Variants in UQCRC1 observed in about 807,000 individuals in gnomAD.
The protein encoded by UQCRC1 is ubiquinol-cytochrome c reductase core protein 1.
UQCRC1 carries 34 observed loss-of-function variants against 58.0 expected under a neutral mutation model. The ratio of observed to expected loss-of-function variants is 0.59; its 90% CI spans 0.45 to 0.78. The LOEUF is 0.78. Among genes scored for constraint, UQCRC1 ranks in the 30% least tolerant of loss-of-function variants. The pLI is 0.00. For missense variants in UQCRC1, 610 were observed against 646.0 expected, an observed-to-expected ratio of 0.94 and a Z score of 0.60; for synonymous variants, 276 against 248.8, an observed-to-expected ratio of 1.11 and a Z score of -1.03.
At position 48,601,008 on chromosome 3, in the gene UQCRC1, G is replaced by T. The variant is rs769861368; in HGVS notation, c.933C>A (p.Ile311=). The part of the protein sequence containing the change: ...NVALQVANAI[I]GHYDCTYGGG... ...CACCATAAGTGCAGTCATAGTGGCC[G>T]ATGATGGCATTGGCCACTTGCAAGG... The change falls in exon 8 of 13, where the codon ATC becomes ATA. Residue 311 remains isoleucine, a synonymous_variant. Coordinates refer to ENST00000203407, the MANE Select transcript of UQCRC1 (RefSeq NM_003365.3). 8 of 1,607,922 alleles carry T rather than the reference G, an allele frequency of 5.0e-6. No homozygotes were observed. The highest frequency in any genetic ancestry group is 6.8e-6 in the Non-Finnish European group (8 of 1,174,990).
intron 6 of UQCRC1, 67 bp from the exon 7 acceptor site, chr3:48,601,534 G>T: frequency 6.9e-7 from 1 of 1,444,468 alleles, no homozygotes; most frequent in Non-Finnish European, 9.6e-7. Flanking sequence ...GCGATTCACA[G>T]ACAGGCAGAG....
At chr3:48,605,413 GC>G (rs1268257119) in intron 3 of UQCRC1, among the ~76,000 whole-genome samples, 1 of 152,194 alleles carries the variant, frequency 6.6e-6, no homozygotes, top group African/African-American at 2.4e-5. Flanking sequence ...ACCAAGGGAT[GC>G]CTAGATATTC....
chr3:48,600,435 G>A (rs779267869), intron 10 of UQCRC1, 47 bp downstream of exon 10: 85 of 1,606,452 alleles, frequency 5.3e-5, no homozygotes, highest in Non-Finnish European at 6.1e-5. Context: ...TGGTGCTGTC[G>A]CTGGCAAGAT....
chr3:48,600,651 C>T, intron 9 of UQCRC1, 29 bp downstream of exon 9: 1 of 1,613,972 alleles, frequency 6.2e-7, no homozygotes, highest in South Asian at 1.1e-5. Flanking sequence ...AGCCGCCATC[C>T]CACCTAGGAA....
Position 48,599,709 on chromosome 3 carries a change from T to A in UQCRC1, c.1304A>T (p.Glu435Val), listed in dbSNP as rs773581710. The A allele has an allele frequency of 6.2e-7, 1 of 1,613,638 alleles. No homozygotes were observed. The highest frequency in any genetic ancestry group is 1.3e-5 in the African/African-American group (1 of 75,004). The part of the protein sequence containing the change: ...PLAEWESRIA[E>V]VDASVVREIC... ...CTCACGTACCACACTGGCATCCACCTCCTGCAGGGTGAGGCAGAGGGCATA... is the reference window on the plus strand; with the variant it reads ...CTCACGTACCACACTGGCATCCACCACCTGCAGGGTGAGGCAGAGGGCATA... The change falls in exon 12 of 13, where the codon GAG (glutamate) becomes GTG (valine). Residue 435 changes from glutamate to valine, a missense_variant and splice_region_variant. Transcript: ENST00000203407.
Position 48,600,704 on chromosome 3 carries a change from A to G in UQCRC1, c.1103T>C (p.Met368Thr). ...FVCDRMKIDD[M>T]MFVLQGQWMR... ...CCACTGCCCTTGCAGGACGAACATC[A>G]TGTCATCGATTTTCATTCGGTCACA... The change falls in exon 9 of 13, where the codon ATG becomes ACG. Residue 368 changes from methionine (M) to threonine (T), a missense_variant. Coordinates refer to ENST00000203407, the MANE Select transcript of UQCRC1 (RefSeq NM_003365.3). 2 of 1,614,146 alleles carry G rather than the reference A, an allele frequency of 1.2e-6. No individual in the cohort carries two copies. Among genetic ancestry groups the G allele is most frequent in the Non-Finnish European group, 1.7e-6 (2 of 1,180,032 alleles).
intron 9 of UQCRC1, 27 bp from the exon 10 acceptor site, chr3:48,600,594 A>G: frequency 1.2e-6 from 2 of 1,614,076 alleles, no homozygotes; most frequent in Non-Finnish European, 1.7e-6. Flanking sequence ...GGTGGTATTC[A>G]TTCTGAGCCA....
In UQCRC1 at chr3:48,601,114, C is replaced by T. The variant is rs774302076; in HGVS notation, c.827G>A (p.Arg276His). The T allele has an allele frequency of 2.8e-5, 45 of 1,598,360 alleles. No individual in the cohort carries two copies. The highest frequency in any genetic ancestry group is 2.1e-4 in the South Asian group (19 of 89,892). The change falls in exon 8 of 13, where the codon CGC becomes CAC. Residue 276 changes from arginine (R) to histidine (H), a missense_variant. Physicochemically the swap from Arg to His is conservative, Grantham distance 29. Transcript: ENST00000203407. ...AAAAGGTAGAGCATCATCACGGTGG[C>T]GGATCTGAAACAGTACATGACAAGG... is the stretch of plus-strand genomic sequence containing the variant. ...TPCRFTGSEI[R>H]HRDDALPFAH... is the part of the protein sequence containing the mutation.
Position 48,600,510 on chromosome 3 carries a change from G to T in UQCRC1, c.1185C>A (p.Leu395=). The change falls in exon 10 of 13, where the codon CTC becomes CTA. Residue 395 remains leucine (L), a synonymous_variant. Coordinates refer to ENST00000203407, the MANE Select transcript of UQCRC1 (RefSeq NM_003365.3). ...ESEVARGKNI[L]RNALVSHLDG... is the part of the protein sequence containing the mutation. ...CTAGATGAGATACCAGGGCATTTCT[G>T]AGGATGTTTTTGCCCCGGGCCACCT... 1 of 1,614,138 alleles carries T rather than the reference G, an allele frequency of 6.2e-7. No individual in the cohort carries two copies. The highest frequency in any genetic ancestry group is 8.5e-7 in the Non-Finnish European group (1 of 1,180,020).
At chr3:48,606,631 T>TA (rs1398745033) in intron 2 of UQCRC1, among the ~76,000 whole-genome samples, 1 of 151,396 alleles carries the variant, frequency 6.6e-6, no homozygotes, top group Non-Finnish European at 1.5e-5. Flanking sequence ...CCTGTAGTCC[T>TA]AGCTACTTGG....
intron 6 of UQCRC1, among the ~76,000 whole-genome samples, chr3:48,602,155 A>G (rs1000865571): frequency 2.7e-5 from 4 of 150,422 alleles, no homozygotes; most frequent in African/African-American, 9.8e-5. Context: ...GGTCCACGCC[A>G]TTCTCCTGCC....
chr3:48,600,912 G>A (rs2046358754), intron 8 of UQCRC1, 63 bp downstream of exon 8: 2 of 1,608,214 alleles, frequency 1.2e-6, no homozygotes, highest in African/African-American at 2.7e-5. Context: ...ACGCACAGGA[G>A]CACACAGCCC....
chr3:48,609,487 C>G, intron 1 of UQCRC1, 65 bp downstream of exon 1: 1 of 1,534,360 alleles, frequency 6.5e-7, no homozygotes, highest in Non-Finnish European at 8.7e-7. Flanking sequence ...CCACTGCTAA[C>G]AGCCCACACC....
chr3:48,599,149 G>C lies in UQCRC1; in HGVS notation c.1422C>G (p.Gly474=). ...QLPDYNRIRS[G]MFWLRF ...CCGCCTAGAAGCGCAGCCAGAACAT[G>C]CCGCTACGGATCCGGTTGTAGTCTG... is the stretch of plus-strand genomic sequence containing the variant. Residue 474 remains glycine (G), a synonymous_variant, in exon 13 of 13, where the codon GGC becomes GGG. Transcript: ENST00000203407. 6.2e-7 allele frequency: 1 copy of C among 1,612,162 alleles called. No homozygotes were observed. The highest frequency in any genetic ancestry group is 8.5e-7 in the Non-Finnish European group (1 of 1,178,860).
At chr3:48,599,229 T>C (rs754239649) in intron 12 of UQCRC1, 37 bp from the exon 13 acceptor site, 115 of 1,565,252 alleles carry the variant, frequency 7.3e-5, no homozygotes, top group Non-Finnish European at 9.7e-5. Flanking sequence ...GTGGGGTACC[T>C]GGCCTGCACA....
At chr3:48,600,417 G>C (rs1468687962) in intron 10 of UQCRC1, 65 bp downstream of exon 10, 5 of 1,588,748 alleles carry the variant, frequency 3.1e-6, no homozygotes, top group Non-Finnish European at 4.3e-6. Flanking sequence ...TAGGAGCAGT[G>C]GCCACCTTGG....
In UQCRC1 at chr3:48,604,635, T is replaced by A. The variant is rs758282430; in HGVS notation, c.427+16A>T. ...CTTCCCTGCCCTCTGTCCCCGCCTC[T>A]TCCTCCAGGTGTTACCTTTCGGCAG... On this transcript the variant is annotated intron_variant, in intron 4 of 12. Transcript: ENST00000203407. 1 of 1,614,104 alleles carries A rather than the reference T, an allele frequency of 6.2e-7. No individual in the cohort carries two copies. Among genetic ancestry groups the A allele is most frequent in the East Asian group, 2.2e-5 (1 of 44,882 alleles).
intron 3 of UQCRC1, among the ~76,000 whole-genome samples, chr3:48,605,421 A>T (rs2107846676): frequency 6.6e-6 from 1 of 152,308 alleles, no homozygotes; most frequent in South Asian, 2.1e-4. Flanking sequence ...ATGCCTAGAT[A>T]TTCCACCAGA....
Position 48,599,039 on chromosome 3 carries a change from A to T in UQCRC1, c.*89T>A. The stretch of plus-strand genomic sequence containing the variant: ...GATTTTATTGGTGGTCACCTGTGGC[A>T]CAGGTTAGAGGAGCCGAAGTGCTGT... On this transcript the variant is annotated 3_prime_UTR_variant, in exon 13 of 13. Transcript: ENST00000203407. 1 of 1,473,660 alleles carries T rather than the reference A, an allele frequency of 6.8e-7. No individual in the cohort carries two copies. The highest frequency in any genetic ancestry group is 9.3e-7 in the Non-Finnish European group (1 of 1,070,896). 91.3% of individuals were successfully genotyped at this position (1,473,660 alleles called of 1,614,324 possible). A position where few individuals can be genotyped will look rare whatever the true frequency, so the allele number is the denominator to read the frequency against.
Sources: allele counts gnomAD v4.1 joint callset (sites outside exome capture counted in the v4.1 genomes callset), GRCh38; gene constraint gnomAD v4.1.1; transcripts MANE v1.5; gene names NCBI Gene and HGNC (gene_info 2026-07-23, HGNC 2026-07-21).